The following SERGEF variants were observed in gnomAD, a reference collection of about 807,000 sequenced individuals.
The protein encoded by SERGEF is secretion regulating guanine nucleotide exchange factor.
In SERGEF, 51 loss-of-function variants were observed where a neutral mutation model predicts 50.0. The observed-to-expected ratio is 1.02, with a 90% CI of 0.81 to 1.29. The LOEUF is 1.29. SERGEF is among the 50% of genes most tolerant of loss of function. The pLI, the probability that SERGEF is intolerant of heterozygous loss-of-function variation, is 0.00. For synonymous variants in SERGEF, 205 were observed against 212.4 expected (o/e 0.97, Z 0.30); for missense variants, 521 against 557.0 (o/e 0.94, Z 0.65).
chr11:17,794,951 G>A (rs1327678099), intron 10 of SERGEF, among the ~76,000 whole-genome samples: 1 of 152,222 alleles, frequency 6.6e-6, no homozygotes, highest in Non-Finnish European at 1.5e-5. Flanking sequence ...CCCTGTGAGC[G>A]CTGGGGCTGA....
intron 7 of SERGEF, 67 bp from the exon 8 acceptor site, chr11:17,988,822 G>A: frequency 1.3e-6 from 2 of 1,492,900 alleles, no homozygotes; most frequent in East Asian, 2.3e-5. Context: ...GAAAATAACA[G>A]AAGTCTAAAA....
chr11:17,977,230 CA>C (rs1853396475), intron 8 of SERGEF, among the ~76,000 whole-genome samples: 1 of 152,154 alleles, frequency 6.6e-6, no homozygotes, highest in Non-Finnish European at 1.5e-5. Flanking sequence ...AATAAGTAAA[CA>C]TATAATGACA....
chr11:17,921,961 T>G (rs921401991), intron 9 of SERGEF, among the ~76,000 whole-genome samples: 2 of 152,168 alleles, frequency 1.3e-5, no homozygotes, highest in South Asian at 4.1e-4. Flanking sequence ...GAGCTTGCCT[T>G]GTAGCCCACT....
chr11:17,972,167 T>C (rs1181584015), intron 8 of SERGEF, among the ~76,000 whole-genome samples: 2 of 152,238 alleles, frequency 1.3e-5, no homozygotes, highest in African/African-American at 4.8e-5. Context: ...ACTGTTGAAA[T>C]GCTAACAAAA....
chr11:17,853,681 G>A (rs1019234056), intron 10 of SERGEF: 1 of 152,110 alleles, frequency 6.6e-6, no homozygotes, highest in African/African-American at 2.4e-5. Flanking sequence ...CTACTAAGGT[G>A]AGTTCGTCCC....
At chr11:17,964,066 T>C (rs1853068805) in intron 8 of SERGEF, among the ~76,000 whole-genome samples, 1 of 152,172 alleles carries the variant, frequency 6.6e-6, no homozygotes, top group African/African-American at 2.4e-5. Context: ...TAAACACCAT[T>C]CTGAGATTTC....
At chr11:17,816,599 G>T (rs1849979229) in intron 10 of SERGEF, among the ~76,000 whole-genome samples, 1 of 152,204 alleles carries the variant, frequency 6.6e-6, no homozygotes, top group South Asian at 2.1e-4. Flanking sequence ...AAATACTGAA[G>T]TTTGGCACAT....
chr11:17,846,827 T>C, intron 10 of SERGEF: 1 of 451,636 alleles, frequency 2.2e-6, no homozygotes, highest in Non-Finnish European at 4.5e-6. Flanking sequence ...AGCAGGTATA[T>C]AATAGATGAG....
chr11:17,820,068 T>C (rs925224316), intron 10 of SERGEF, among the ~76,000 whole-genome samples: 1 of 152,010 alleles, frequency 6.6e-6, no homozygotes, highest in Non-Finnish European at 1.5e-5. Flanking sequence ...GCTCTCGAGC[T>C]CCTGGGCTCA....
intron 9 of SERGEF, among the ~76,000 whole-genome samples, chr11:17,958,455 G>C (rs1467602399): frequency 2.0e-5 from 3 of 151,956 alleles, no homozygotes; most frequent in African/African-American, 7.3e-5. Flanking sequence ...TTTAGTAACA[G>C]AAACGCACAC....
chr11:17,945,808 A>C (rs1162942483), intron 9 of SERGEF, among the ~76,000 whole-genome samples: 1 of 152,024 alleles, frequency 6.6e-6, no homozygotes, highest in Non-Finnish European at 1.5e-5. Context: ...AAAAGCAAAA[A>C]CAAACAAACA....
intron 8 of SERGEF, among the ~76,000 whole-genome samples, chr11:17,987,881 G>C (rs1241612460): frequency 6.6e-6 from 1 of 152,164 alleles, no homozygotes; most frequent in Non-Finnish European, 1.5e-5. Flanking sequence ...CATGATAACA[G>C]ATCTTGGGAA....
At chr11:17,907,916 T>G (rs989421388) in intron 9 of SERGEF, among the ~76,000 whole-genome samples, 5 of 152,178 alleles carry the variant, frequency 3.3e-5, no homozygotes, top group Admixed American at 1.3e-4. Flanking sequence ...CAAAATAGCA[T>G]GCATCCTCAA....
intron 1 of SERGEF, chr11:18,012,461 G>A (rs552717730): frequency 2.9e-6 from 3 of 1,047,850 alleles, no homozygotes; most frequent in Admixed American, 5.6e-5. Flanking sequence ...CAAATAGGCA[G>A]GGTCTGTGCC....
At chr11:17,941,549 T>C (rs1177100677) in intron 9 of SERGEF, among the ~76,000 whole-genome samples, 1 of 152,212 alleles carries the variant, frequency 6.6e-6, no homozygotes, top group Non-Finnish European at 1.5e-5. Flanking sequence ...GACACTTGGG[T>C]TGCTTCCACT....
In SERGEF at chr11:17,802,950, C is replaced by T. The variant is rs561342166; in HGVS notation, c.1049-14537G>A. ...AGAGCAAACATTTCATTTTATTCAA[C>T]TGCTGTATCTCCAGCACTTAGAAAA... On this transcript the variant is annotated intron_variant, in intron 10 of 10. Transcript: ENST00000265965. Among the ~76,000 whole-genome samples, 7 of 152,372 alleles carry T rather than the reference C, an allele frequency of 4.6e-5. No homozygotes were observed. In the East Asian group the frequency reaches 1.3e-3, roughly 29 times the overall value.
intron 10 of SERGEF, among the ~76,000 whole-genome samples, chr11:17,847,504 G>T (rs2133868673): frequency 6.6e-6 from 1 of 152,300 alleles, no homozygotes; most frequent in South Asian, 2.1e-4. Context: ...TCTGTAAAAT[G>T]GAGAAAATAA....
chr11:17,806,256 G>T (rs1215319328), intron 10 of SERGEF, among the ~76,000 whole-genome samples: 1 of 152,224 alleles, frequency 6.6e-6, no homozygotes, highest in Non-Finnish European at 1.5e-5. Context: ...TGATATTTGG[G>T]TACCTTATGT....
chr11:17,907,744 A>G (rs1324946143), intron 9 of SERGEF, among the ~76,000 whole-genome samples: 1 of 152,244 alleles, frequency 6.6e-6, no homozygotes, highest in Non-Finnish European at 1.5e-5. Flanking sequence ...CAGACAGATG[A>G]TAAAGGTAGA....
Sources: gnomAD v4.1 joint callset for allele counts (sites outside exome capture counted in the v4.1 genomes callset) on GRCh38, gnomAD v4.1.1 for gene constraint, MANE v1.5 for transcripts, NCBI Gene and HGNC (gene_info 2026-07-23, HGNC 2026-07-21) for gene names.